SYN3: variants seen among roughly 807,000 people sequenced by gnomAD.
SYN3 encodes synapsin III, also known as synapsin-3.
SYN3 carries 35 observed loss-of-function variants against 65.8 expected under a neutral mutation model. That is an observed-to-expected ratio of 0.53 (90% CI 0.41 to 0.70). The LOEUF (loss-of-function observed/expected upper bound fraction) is 0.70. Among genes scored for constraint, SYN3 ranks in the 30% least tolerant of loss-of-function variants. The pLI is 0.00. For synonymous variants in SYN3, 270 were observed against 292.9 expected (o/e 0.92, Z 0.80); for missense variants, 680 against 749.0 (o/e 0.91, Z 1.08).
At chr22:32,682,611 G>A (rs1015532250) in intron 6 of SYN3, among the ~76,000 whole-genome samples, 10 of 152,168 alleles carry the variant, frequency 6.6e-5, no homozygotes, top group Non-Finnish European at 2.9e-5. Flanking sequence ...GACCCCATCT[G>A]ATCTTTATTA....
At position 33,047,683 on chromosome 22, in the gene SYN3, A is replaced by G. The variant is rs112534784; in HGVS notation, c.-163+10609T>C. ...CCACTAATGTGAACAAAGAAGTTTG[A>G]GGTAAGATTGAAGAAAGAAAAAAAA... On this transcript the variant is annotated intron_variant, in intron 1 of 13. Transcript: ENST00000358763. 5.9e-4 allele frequency among the ~76,000 whole-genome samples: 89 copies of G among 152,068 alleles called. 1 individual carries two copies. The Middle Eastern group carries it at 0.01, about 18-fold the overall frequency.
chr22:32,641,048 G>A (rs900860135), intron 6 of SYN3, among the ~76,000 whole-genome samples: 2 of 152,200 alleles, frequency 1.3e-5, no homozygotes, highest in African/African-American at 4.8e-5. Flanking sequence ...GCAGCAAAAC[G>A]GGGGTGACCA....
chr22:32,638,518 A>G (rs1458215472), intron 6 of SYN3, among the ~76,000 whole-genome samples: 2 of 152,118 alleles, frequency 1.3e-5, no homozygotes, highest in African/African-American at 4.8e-5. Flanking sequence ...CCGATGTGAG[A>G]TGGTATCTCA....
At position 32,869,330 on chromosome 22, in the gene SYN3, T is replaced by TTCTCTCTCTCTCTCTCTC. The variant is rs59752570; in HGVS notation, c.462-223_462-206dup. Among the ~76,000 whole-genome samples the TTCTCTCTCTCTCTCTCTC allele has an allele frequency of 5.7e-3, 688 of 120,924 alleles. 12 individuals carry two copies. Among genetic ancestry groups the TTCTCTCTCTCTCTCTCTC allele is most frequent in the South Asian group, 0.021 (65 of 3,036 alleles). 79.3% of individuals were successfully genotyped at this position (120,924 alleles called of 152,430 possible). A position where few individuals can be genotyped will look rare whatever the true frequency, so the allele number is the denominator to read the frequency against. On this transcript the variant is annotated intron_variant, in intron 4 of 13. Transcript: ENST00000358763. ...CAAAGGGCTGGAAACACTATATATA[T>TTCTCTCTCTCTCTCTCTC]TCTCTCTCTCTCTCTCTCTCTCTCT...
At chr22:32,713,348 T>G (rs533275658) in intron 6 of SYN3, among the ~76,000 whole-genome samples, 2 of 152,346 alleles carry the variant, frequency 1.3e-5, no homozygotes, top group South Asian at 4.1e-4. Context: ...CACCTACATT[T>G]TAAATTTTCT....
At chr22:33,018,718 T>C (rs902959570) in intron 1 of SYN3, among the ~76,000 whole-genome samples, 3 of 151,954 alleles carry the variant, frequency 2.0e-5, no homozygotes, top group African/African-American at 4.8e-5. Flanking sequence ...GACAGGAGAG[T>C]GGACATGTCT....
intron 4 of SYN3, among the ~76,000 whole-genome samples, chr22:32,891,717 G>A (rs75509457): frequency 0.033 from 5,010 of 152,110 alleles, 130 homozygotes; most frequent in Non-Finnish European, 0.046. Context: ...TCAGGGCCAC[G>A]CACACCAAGG....
chr22:32,818,186 G>A (rs1316564461), intron 6 of SYN3, among the ~76,000 whole-genome samples: 1 of 152,202 alleles, frequency 6.6e-6, no homozygotes, highest in Non-Finnish European at 1.5e-5. Flanking sequence ...TGGCTGCTCA[G>A]AGCGTTTTGG....
rs2053203076 is a variant in SYN3 at position 33,006,552 on chromosome 22, G to T, written c.111C>A (p.Ser37=). Residue 37 remains serine, a synonymous_variant, in exon 2 of 14, where the codon TCC becomes TCA. Coordinates refer to ENST00000358763, the MANE Select transcript of SYN3 (RefSeq NM_003490.4). ...GGGGGTGCCTCCTCTCCATGGCGGG[G>T]GAAGCAGGTGAGCTGGTGGAGCTAT... ...RPDSSTSSPA[S]PAMERRHPQP... is the part of the protein sequence containing the mutation. The T allele has an allele frequency of 4.3e-6, 7 of 1,614,100 alleles. No individual in the cohort carries two copies. Among genetic ancestry groups the T allele is most frequent in the Non-Finnish European group, 5.9e-6 (7 of 1,180,056 alleles).
rs948396142 is a variant in SYN3 at position 32,964,170 on chromosome 22, T to C, written c.369+16475A>G. Among the ~76,000 whole-genome samples, 7 of 151,088 alleles carry C rather than the reference T, an allele frequency of 4.6e-5. 1 individual carries two copies. The highest frequency in any genetic ancestry group is 3.9e-4 in the East Asian group (2 of 5,090). Reference sequence around the variant, plus strand: ...GGTTCCAGCAACATGGCTTAAGAACTATCGCAAGGACAAAAAACCAAACAC... The same window carrying C: ...GGTTCCAGCAACATGGCTTAAGAACCATCGCAAGGACAAAAAACCAAACAC... On this transcript the variant is annotated intron_variant, in intron 3 of 13. Coordinates refer to ENST00000358763, the MANE Select transcript of SYN3 (RefSeq NM_003490.4).
At chr22:32,694,265 C>T (rs1194880359) in intron 6 of SYN3, among the ~76,000 whole-genome samples, 3 of 152,146 alleles carry the variant, frequency 2.0e-5, no homozygotes, top group Admixed American at 6.5e-5. Flanking sequence ...TGTAGAAACT[C>T]GGGCAAGCAT....
intron 6 of SYN3, among the ~76,000 whole-genome samples, chr22:32,759,856 T>C (rs1349075534): frequency 3.3e-3 from 62 of 19,046 alleles, no homozygotes; most frequent in African/African-American, 4.7e-3. Flanking sequence ...CACCAGCCAG[T>C]ACCCACCCAC....
intron 3 of SYN3, among the ~76,000 whole-genome samples, chr22:32,945,655 C>G (rs1243074808): frequency 1.3e-5 from 2 of 152,106 alleles, no homozygotes; most frequent in Non-Finnish European, 2.9e-5. Flanking sequence ...TCTAAAACAC[C>G]AAAAGCAATG....
Position 32,519,173 on chromosome 22 carries a change from A to G in SYN3, c.1319-839T>C, listed in dbSNP as rs192973535. ...CCCAGTCTATGGCATTTTGTTATCA[A>G]GGCAGCCTGAGAAAACTAATATAGG... On this transcript the variant is annotated intron_variant, in intron 12 of 13. Coordinates refer to ENST00000358763, the MANE Select transcript of SYN3 (RefSeq NM_003490.4). 5.0e-3 allele frequency among the ~76,000 whole-genome samples: 765 copies of G among 152,324 alleles called. 3 individuals carry two copies. Among genetic ancestry groups the G allele is most frequent in the South Asian group, 0.015 (73 of 4,826 alleles).
chr22:32,884,489 T>C (rs1259666683), intron 4 of SYN3, among the ~76,000 whole-genome samples: 1 of 152,218 alleles, frequency 6.6e-6, no homozygotes, highest in East Asian at 1.9e-4. Flanking sequence ...CATAAAGAAT[T>C]GAGGCAATAA....
chr22:32,808,213 C>CTCAGGT (rs1373579018), intron 6 of SYN3, among the ~76,000 whole-genome samples: 4 of 152,178 alleles, frequency 2.6e-5, no homozygotes, highest in Admixed American at 6.5e-5. Flanking sequence ...CTTACATGGA[C>CTCAGGT]TCAGGTTCAA....
intron 6 of SYN3, among the ~76,000 whole-genome samples, chr22:32,693,585 G>A (rs2060694977): frequency 1.5e-5 from 2 of 136,642 alleles, no homozygotes; most frequent in African/African-American, 3.0e-5. Context: ...TTATTTTTCT[G>A]TAGCTTGTTT....
intron 6 of SYN3, among the ~76,000 whole-genome samples, chr22:32,615,399 A>G (rs2059502118): frequency 7.4e-6 from 1 of 134,810 alleles, no homozygotes; most frequent in Non-Finnish European, 1.5e-5. Flanking sequence ...GTGTCACTGC[A>G]CTCCGGCCTG....
At chr22:32,988,325 T>C (rs201715938) in intron 2 of SYN3, among the ~76,000 whole-genome samples, 27,619 of 146,178 alleles carry the variant, frequency 0.19, 2,847 homozygotes, top group East Asian at 0.31. Flanking sequence ...ATAATAATAA[T>C]AATAATAATA....
Sources: allele counts gnomAD v4.1 joint callset (sites outside exome capture counted in the v4.1 genomes callset), GRCh38; gene constraint gnomAD v4.1.1; transcripts MANE v1.5; gene names NCBI Gene and HGNC (gene_info 2026-07-23, HGNC 2026-07-21).